The following CNTN6 variants were observed in gnomAD, a reference collection of about 807,000 sequenced individuals.
CNTN6 encodes contactin 6.
Under a neutral mutation model 122.8 loss-of-function variants are expected in CNTN6, and 137 were observed. The observed-to-expected ratio is 1.12, with a 90% CI of 0.97 to 1.29. The LOEUF is 1.29. Among genes scored for constraint, CNTN6 ranks in the 50% most tolerant of loss-of-function variants. The pLI is 0.00. For missense variants in CNTN6, 1,634 were observed against 1,223.4 expected (o/e 1.34, Z -5.01); for synonymous variants, 570 against 426.0 (o/e 1.34, Z -4.16).
intron 1 of CNTN6, among the ~76,000 whole-genome samples, chr3:1,094,839 G>C (rs1332915777): frequency 6.6e-6 from 1 of 151,960 alleles, no homozygotes; most frequent in Non-Finnish European, 1.5e-5. Flanking sequence ...TATGTGAGGA[G>C]AAGGAATACA....
At chr3:1,300,328 C>T (rs1696988711) in intron 7 of CNTN6, among the ~76,000 whole-genome samples, 1 of 151,826 alleles carries the variant, frequency 6.6e-6, no homozygotes, top group Non-Finnish European at 1.5e-5. Context: ...AGTGAGGATG[C>T]CCAAGGGAGA....
At chr3:1,291,089 G>A (rs529325000) in intron 5 of CNTN6, among the ~76,000 whole-genome samples, 3 of 152,152 alleles carry the variant, frequency 2.0e-5, no homozygotes, top group East Asian at 3.9e-4. Context: ...CAAAGATCTG[G>A]CATCTGAAGG....
chr3:1,214,375 C>A (rs1274688155), intron 2 of CNTN6, among the ~76,000 whole-genome samples: 1 of 117,050 alleles, frequency 8.5e-6, no homozygotes, highest in East Asian at 3.1e-4. Flanking sequence ...ATGGCGTAAT[C>A]TCAGCTCACT....
chr3:1,399,028 A>T (rs1334831877), intron 20 of CNTN6, among the ~76,000 whole-genome samples: 1 of 152,132 alleles, frequency 6.6e-6, no homozygotes, highest in African/African-American at 2.4e-5. Context: ...TCTCCTAGCC[A>T]GTTGATTTTT....
intron 2 of CNTN6, among the ~76,000 whole-genome samples, chr3:1,212,873 C>T (rs2094066277): frequency 6.6e-6 from 1 of 151,812 alleles, no homozygotes; most frequent in Non-Finnish European, 1.5e-5. Context: ...TTAGTTGAAA[C>T]TAGACTTTTT....
intron 5 of CNTN6, among the ~76,000 whole-genome samples, chr3:1,288,696 C>A (rs1228822056): frequency 6.6e-6 from 1 of 152,186 alleles, no homozygotes; most frequent in Non-Finnish European, 1.5e-5. Flanking sequence ...TGATGCTTCT[C>A]TTTCACATGA....
intron 12 of CNTN6, among the ~76,000 whole-genome samples, chr3:1,368,488 G>T (rs1370837601): frequency 6.6e-6 from 1 of 152,104 alleles, no homozygotes; most frequent in African/African-American, 2.4e-5. Context: ...AGTCTTAATG[G>T]TTTCATAAAA....
chr3:1,403,114 T>C (rs937089031), intron 22 of CNTN6, among the ~76,000 whole-genome samples: 3 of 152,146 alleles, frequency 2.0e-5, no homozygotes, highest in African/African-American at 7.2e-5. Context: ...ATTTTCCTTT[T>C]GCATTTTTAT....
At chr3:1,135,624 C>G (rs952603791) in intron 1 of CNTN6, among the ~76,000 whole-genome samples, 6 of 152,134 alleles carry the variant, frequency 3.9e-5, no homozygotes, top group Non-Finnish European at 7.3e-5. Flanking sequence ...TGTATATACA[C>G]TACATATATA....
intron 1 of CNTN6, among the ~76,000 whole-genome samples, chr3:1,139,343 T>A (rs2092557308): frequency 6.6e-6 from 1 of 152,166 alleles, no homozygotes; most frequent in South Asian, 2.1e-4. Context: ...ATCCCTGTAC[T>A]AAACCGCACT....
At chr3:1,216,453 A>G (rs2094131934) in intron 2 of CNTN6, among the ~76,000 whole-genome samples, 1 of 152,094 alleles carries the variant, frequency 6.6e-6, no homozygotes, top group African/African-American at 2.4e-5. Flanking sequence ...CTTTTCAGGC[A>G]TTGTTAATTT....
At chr3:1,266,901 C>A (rs1012753568) in intron 4 of CNTN6, among the ~76,000 whole-genome samples, 2 of 150,214 alleles carry the variant, frequency 1.3e-5, no homozygotes, top group Non-Finnish European at 3.0e-5. Flanking sequence ...AAGTGAGCTT[C>A]TGGCCAGACT....
At chr3:1,307,339 A>G (rs192452779) in intron 7 of CNTN6, among the ~76,000 whole-genome samples, 13 of 152,222 alleles carry the variant, frequency 8.5e-5, no homozygotes, top group Admixed American at 2.0e-4. Context: ...GGTTTCTTGT[A>G]TTTCTGAGAA....
At chr3:1,121,923 G>A (rs2091962971) in intron 1 of CNTN6, among the ~76,000 whole-genome samples, 1 of 151,878 alleles carries the variant, frequency 6.6e-6, no homozygotes, top group Non-Finnish European at 1.5e-5. Context: ...TGAGAATAAA[G>A]AAGCTAGATT....
At chr3:1,312,796 G>C (rs1699569695) in intron 7 of CNTN6, among the ~76,000 whole-genome samples, 1 of 149,952 alleles carries the variant, frequency 6.7e-6, no homozygotes, top group Non-Finnish European at 1.5e-5. Flanking sequence ...TGGAAAGACA[G>C]ACTTTGGTTC....
intron 7 of CNTN6, among the ~76,000 whole-genome samples, chr3:1,305,384 T>C (rs366824): frequency 6.6e-6 from 1 of 152,032 alleles, no homozygotes. Context: ...CTGACTTCCT[T>C]TGTTGGAGTT....
At chr3:1,126,634 A>G (rs1014115145) in intron 1 of CNTN6, among the ~76,000 whole-genome samples, 2 of 151,914 alleles carry the variant, frequency 1.3e-5, no homozygotes, top group Non-Finnish European at 2.9e-5. Flanking sequence ...TCAATTTTGT[A>G]TCACTGACAT....
intron 1 of CNTN6, among the ~76,000 whole-genome samples, chr3:1,106,618 C>T (rs545636790): frequency 6.6e-6 from 1 of 152,092 alleles, no homozygotes; most frequent in South Asian, 2.1e-4. Flanking sequence ...ACATATTTTA[C>T]TTATAGCTTA....
rs554549186 is a variant in CNTN6, at chr3:1,334,155, T to C, written c.1364+4220T>C. ...AGATGGCATTACAGAGTCCGAAGACTGCCTGGTTTCCTGCTGGGAATGAAT... is the reference window on the plus strand; with the variant it reads ...AGATGGCATTACAGAGTCCGAAGACCGCCTGGTTTCCTGCTGGGAATGAAT... On this transcript the variant is annotated intron_variant, in intron 11 of 22. Transcript: ENST00000446702. Among the ~76,000 whole-genome samples the C allele has an allele frequency of 5.3e-5, 8 of 152,286 alleles. No individual in the cohort carries two copies. The South Asian group carries it at 1.4e-3, about 28-fold the overall frequency.
Sources: gnomAD v4.1 joint callset for allele counts (sites outside exome capture counted in the v4.1 genomes callset) on GRCh38, gnomAD v4.1.1 for gene constraint, MANE v1.5 for transcripts, NCBI Gene and HGNC (gene_info 2026-07-23, HGNC 2026-07-21) for gene names.